KCTD16: variants seen among roughly 807,000 people sequenced by gnomAD.
KCTD16 encodes the protein potassium channel tetramerization domain containing 16, also known as BTB/POZ domain-containing protein KCTD16.
A neutral mutation model predicts 33.2 loss-of-function variants in KCTD16; 13 were observed. The observed-to-expected ratio is 0.39, with a 90% confidence interval of 0.25 to 0.62. The LOEUF is 0.62. Ranked by LOEUF, KCTD16 falls within the 20% of genes least tolerant of loss-of-function variation. The pLI, the probability that KCTD16 is intolerant of heterozygous loss-of-function variation, is 0.50. For missense variants in KCTD16, 441 were observed against 525.1 expected (o/e 0.84, Z 1.57); for synonymous variants, 197 against 195.3 (o/e 1.01, Z -0.07).
At chr5:144,418,327 C>T (rs1258765746) in intron 3 of KCTD16, among the ~76,000 whole-genome samples, 1 of 152,132 alleles carries the variant, frequency 6.6e-6, no homozygotes, top group Non-Finnish European at 1.5e-5. Flanking sequence ...TTATTTGGCC[C>T]CACCCACATC....
chr5:144,226,104 C>T (rs1753923183), intron 3 of KCTD16, among the ~76,000 whole-genome samples: 1 of 152,182 alleles, frequency 6.6e-6, no homozygotes. Flanking sequence ...GTTTACCTTT[C>T]TCTGCAATGA....
At chr5:144,410,237 G>A (rs1020875864) in intron 3 of KCTD16, among the ~76,000 whole-genome samples, 1 of 152,204 alleles carries the variant, frequency 6.6e-6, no homozygotes, top group Admixed American at 6.5e-5. Flanking sequence ...TCCTGAAGCA[G>A]GAGGCCTTGA....
chr5:144,435,915 G>T (rs1355960366), intron 3 of KCTD16, among the ~76,000 whole-genome samples: 1 of 151,950 alleles, frequency 6.6e-6, no homozygotes, highest in Non-Finnish European at 1.5e-5. Flanking sequence ...TGTCTCCTCT[G>T]TCCTACATTC....
At chr5:144,351,423 GA>G (rs1227142655) in intron 3 of KCTD16, among the ~76,000 whole-genome samples, 1 of 152,176 alleles carries the variant, frequency 6.6e-6, no homozygotes, top group African/African-American at 2.4e-5. Context: ...AGGATGTGGG[GA>G]AAAGGAAACC....
chr5:144,261,631 G>A (rs1329635480), intron 3 of KCTD16, among the ~76,000 whole-genome samples: 4 of 152,246 alleles, frequency 2.6e-5, no homozygotes, highest in Non-Finnish European at 5.9e-5. Context: ...CACCTGAGAA[G>A]TCCTCTGTGA....
chr5:144,208,147 G>A (rs1328051284), intron 3 of KCTD16, among the ~76,000 whole-genome samples: 33 of 152,180 alleles, frequency 2.2e-4, no homozygotes. Context: ...CTTTTGTACT[G>A]AGACCTGAGT....
chr5:144,269,576 G>T (rs368533215), intron 3 of KCTD16, among the ~76,000 whole-genome samples: 2 of 151,874 alleles, frequency 1.3e-5, no homozygotes, highest in Non-Finnish European at 2.9e-5. Context: ...TACTAGACCC[G>T]CCCTGCAAGA....
intron 3 of KCTD16, among the ~76,000 whole-genome samples, chr5:144,254,520 G>T (rs1754793206): frequency 1.3e-5 from 2 of 152,034 alleles, no homozygotes. Flanking sequence ...TTAAAAAAAT[G>T]CTAAAAATAC....
chr5:144,289,693 G>A (rs972116595), intron 3 of KCTD16, among the ~76,000 whole-genome samples: 2 of 151,586 alleles, frequency 1.3e-5, no homozygotes, highest in African/African-American at 4.9e-5. Context: ...ACAACCAAAC[G>A]AAAGCTGAAT....
intron 3 of KCTD16, among the ~76,000 whole-genome samples, chr5:144,407,761 T>G (rs1366755453): frequency 1.3e-5 from 2 of 152,304 alleles, no homozygotes; most frequent in East Asian, 3.9e-4. Flanking sequence ...GTTCTCTTTG[T>G]TCAACTCCCT....
chr5:144,386,052 G>T (rs1752316915), intron 3 of KCTD16, among the ~76,000 whole-genome samples: 1 of 152,072 alleles, frequency 6.6e-6, no homozygotes, highest in Non-Finnish European at 1.5e-5. Flanking sequence ...GCCACTCAGA[G>T]ATATTATTTC....
intron 2 of KCTD16, among the ~76,000 whole-genome samples, chr5:144,182,558 G>A (rs988299974): frequency 6.6e-5 from 10 of 152,188 alleles, no homozygotes; most frequent in Non-Finnish European, 1.3e-4. Context: ...CCAAAATACA[G>A]CAGGAGGGCT....
At chr5:144,304,686 A>G (rs1187232729) in intron 3 of KCTD16, among the ~76,000 whole-genome samples, 1 of 152,142 alleles carries the variant, frequency 6.6e-6, no homozygotes, top group African/African-American at 2.4e-5. Context: ...TCCAGTGGCA[A>G]AATGCTAGGG....
At chr5:144,421,151 A>T (rs1580951393) in intron 3 of KCTD16, among the ~76,000 whole-genome samples, 1 of 152,134 alleles carries the variant, frequency 6.6e-6, no homozygotes, top group Non-Finnish European at 1.5e-5. Context: ...TAATTGAAAA[A>T]TTTTGTTTTT....
intron 3 of KCTD16, among the ~76,000 whole-genome samples, chr5:144,280,577 T>G (rs1295376844): frequency 6.6e-6 from 1 of 152,254 alleles, no homozygotes; most frequent in Non-Finnish European, 1.5e-5. Context: ...GCTAGAGACT[T>G]ACTAATTTTG....
intron 3 of KCTD16, among the ~76,000 whole-genome samples, chr5:144,330,097 A>C (rs901991908): frequency 2.0e-5 from 3 of 152,078 alleles, no homozygotes; most frequent in African/African-American, 7.2e-5. Flanking sequence ...TACATTCCAC[A>C]TGGATAGTTC....
At chr5:144,396,306 A>G (rs1213678148) in intron 3 of KCTD16, among the ~76,000 whole-genome samples, 1 of 152,138 alleles carries the variant, frequency 6.6e-6, no homozygotes, top group African/African-American at 2.4e-5. Context: ...AGCCCTTGAC[A>G]TCTTTATCCT....
intron 3 of KCTD16, among the ~76,000 whole-genome samples, chr5:144,238,544 A>G (rs1324885267): frequency 6.6e-6 from 1 of 152,054 alleles, no homozygotes; most frequent in African/African-American, 2.4e-5. Flanking sequence ...CTACAGATAA[A>G]CTGCCTTCTC....
At chr5:144,246,543 T>G (rs1754553378) in intron 3 of KCTD16, among the ~76,000 whole-genome samples, 1 of 152,192 alleles carries the variant, frequency 6.6e-6, no homozygotes, top group Non-Finnish European at 1.5e-5. Context: ...AATTAAAGTT[T>G]TAAATACTTG....
Sources: allele counts gnomAD v4.1 joint callset (sites outside exome capture counted in the v4.1 genomes callset), GRCh38; gene constraint gnomAD v4.1.1; transcripts MANE v1.5; gene names NCBI Gene and HGNC (gene_info 2026-07-23, HGNC 2026-07-21).